PSMD13: variants seen among roughly 807,000 people sequenced by gnomAD.
The protein encoded by PSMD13 is proteasome 26S subunit, non-ATPase 13.
In PSMD13, 8 loss-of-function variants were observed where a neutral mutation model predicts 57.4. That is an observed-to-expected ratio of 0.14 (90% CI 0.08 to 0.25). The LOEUF is 0.25. PSMD13 is among the 10% of genes least tolerant of loss of function. PSMD13 has a pLI of 1.00. For synonymous variants in PSMD13, 193 were observed against 168.2 expected (o/e 1.15, Z -1.14); for missense variants, 400 against 461.5 (o/e 0.87, Z 1.22).
intron 2 of PSMD13, 106 bp downstream of exon 2, chr11:239,182 A>G: frequency 8.8e-7 from 1 of 1,133,402 alleles, no homozygotes; most frequent in Admixed American, 1.7e-5. Context: ...AATATTCAGC[A>G]GTCACTTTAC....
At chr11:239,397 A>G (rs74044926) in intron 2 of PSMD13, among the ~76,000 whole-genome samples, 43 of 152,342 alleles carry the variant, frequency 2.8e-4, no homozygotes, top group African/African-American at 1.0e-3. Flanking sequence ...ATCTTACAAC[A>G]TGCCTAAGTA....
intron 2 of PSMD13, 36 bp downstream of exon 2, chr11:239,112 A>C: frequency 6.5e-7 from 1 of 1,547,876 alleles, no homozygotes; most frequent in Non-Finnish European, 8.9e-7. Context: ...GATTATATGA[A>C]TGTGCTCAAG....
intron 2 of PSMD13, 54 bp downstream of exon 2, chr11:239,130 G>T (rs2133982420): frequency 6.9e-7 from 1 of 1,443,548 alleles, no homozygotes; most frequent in South Asian, 1.1e-5. Flanking sequence ...AAGGACTTTT[G>T]AAAATAAGAT....
chr11:239,308 A>G lies in PSMD13; in HGVS notation c.174+232A>G, dbSNP rs570827215. On this transcript the variant is annotated intron_variant, in intron 2 of 12. Transcript: ENST00000532097. ...CATAAGACTTTAAGTAACTTACCAT[A>G]GATCACTGCTGATAAGTGGCAGAAG... 3.3e-5 allele frequency among the ~76,000 whole-genome samples: 5 copies of G among 152,362 alleles called. 1 individual carries two copies. In the South Asian group the frequency reaches 1.0e-3, roughly 32 times the overall value.
intron 7 of PSMD13, chr11:248,537 G>C: frequency 1.9e-6 from 1 of 531,942 alleles, no homozygotes; most frequent in Non-Finnish European, 3.3e-6. Flanking sequence ...AATATGAATA[G>C]ATTCACATAT....
intron 2 of PSMD13, among the ~76,000 whole-genome samples, chr11:242,319 C>T (rs993338440): frequency 3.4e-5 from 5 of 149,246 alleles, no homozygotes; most frequent in African/African-American, 1.2e-4. Flanking sequence ...AATTTGAAAA[C>T]GGTGCATAAT....
chr11:242,845 G>C (rs1428945980), intron 2 of PSMD13, among the ~76,000 whole-genome samples: 1 of 151,668 alleles, frequency 6.6e-6, no homozygotes, highest in African/African-American at 2.4e-5. Context: ...GCCTAGGCTG[G>C]AATGCAATGG....
intron 2 of PSMD13, among the ~76,000 whole-genome samples, chr11:240,100 G>GTTTTTTTTTTTT (rs1564820130): frequency 1.8e-4 from 8 of 44,480 alleles, no homozygotes; most frequent in Non-Finnish European, 3.0e-4. Flanking sequence ...AATGAGACCT[G>GTTTTTTTTTTTT]CTTTTTTTTT....
At chr11:249,549 G>C (rs944692372) in intron 9 of PSMD13, among the ~76,000 whole-genome samples, 4 of 136,290 alleles carry the variant, frequency 2.9e-5, no homozygotes, top group Admixed American at 1.5e-4. Flanking sequence ...GTGCAGGGAG[G>C]GGGAGAGCGG....
At chr11:247,660 T>C (rs769448121) in intron 7 of PSMD13, 17 of 418,844 alleles carry the variant, frequency 4.1e-5, no homozygotes, top group South Asian at 3.5e-4. Flanking sequence ...GGTGAAACCC[T>C]GTCTCTACTA....
At chr11:242,711 C>T (rs1859542419) in intron 2 of PSMD13, among the ~76,000 whole-genome samples, 2 of 152,128 alleles carry the variant, frequency 1.3e-5, no homozygotes, top group African/African-American at 4.8e-5. Flanking sequence ...TTCTGTTTTC[C>T]TTTGATACAA....
chr11:252,625 T>C lies in PSMD13; in HGVS notation c.*25T>C. ...GGGCCCCCTGGTTCCCCGTCGTGTC[T>C]CCTTTGACTCACCTGAGAGAGGCGT... On this transcript the variant is annotated 3_prime_UTR_variant, in exon 13 of 13. Transcript: ENST00000532097. The surrounding 1 kb of genome is among the most constrained non-coding windows in gnomAD (Gnocchi z 4.1). 1 of 1,606,946 alleles carries C rather than the reference T, an allele frequency of 6.2e-7. No individual in the cohort carries two copies. Among genetic ancestry groups the C allele is most frequent in the Non-Finnish European group, 8.5e-7 (1 of 1,173,792 alleles).
At chr11:249,769 T>A (rs1320551102) in intron 9 of PSMD13, among the ~76,000 whole-genome samples, 1 of 152,168 alleles carries the variant, frequency 6.6e-6, no homozygotes, top group African/African-American at 2.4e-5. Context: ...TCTTTTTTAA[T>A]GAGATTATTA....
At position 251,305 on chromosome 11, in the gene PSMD13, TC is replaced by T; in HGVS notation, c.838-240del. ...GCAAATTGTGGCCTCAAGTACTTGTTCGGGGATTGAACAATGGCTACTGTCA... is the reference window on the plus strand; with the variant it reads ...GCAAATTGTGGCCTCAAGTACTTGTTGGGGATTGAACAATGGCTACTGTCA... On this transcript the variant is annotated intron_variant, in intron 10 of 12. Coordinates refer to ENST00000532097, the MANE Select transcript of PSMD13 (RefSeq NM_002817.4). This position sits in a 1 kb window ranked among gnomAD's most constrained non-coding sequence, Gnocchi z 4.6. 1 of 523,434 alleles carries T rather than the reference TC, an allele frequency of 1.9e-6. No homozygotes were observed. Among genetic ancestry groups the T allele is most frequent in the Admixed American group, 3.5e-5 (1 of 28,594 alleles). 32.4% of individuals were successfully genotyped at this position (523,434 alleles called of 1,614,324 possible). A position where few individuals can be genotyped will look rare whatever the true frequency, so the allele number is the denominator to read the frequency against.
intron 2 of PSMD13, among the ~76,000 whole-genome samples, chr11:239,366 G>T (rs1212142729): frequency 6.6e-6 from 1 of 152,024 alleles, no homozygotes; most frequent in Non-Finnish European, 1.5e-5. Flanking sequence ...GGCTTTTTTT[G>T]AAATTCTAGC....
intron 9 of PSMD13, among the ~76,000 whole-genome samples, chr11:250,103 G>A (rs950151154): frequency 1.3e-5 from 2 of 152,180 alleles, no homozygotes; most frequent in African/African-American, 4.8e-5. Flanking sequence ...GTCTGGAGGG[G>A]TAGTGAGCCC....
At chr11:242,978 T>C in intron 2 of PSMD13, 1 of 214,772 alleles carries the variant, frequency 4.7e-6, no homozygotes, top group South Asian at 7.1e-5. Flanking sequence ...GTATTTTTAG[T>C]AGAGACGGGG....
intron 2 of PSMD13, chr11:243,605 TC>T (rs1271122078): frequency 3.7e-5 from 14 of 381,946 alleles, no homozygotes; most frequent in Non-Finnish European, 6.6e-5. Context: ...AATAAACCTG[TC>T]CTGGTAGGCT....
intron 1 of PSMD13, among the ~76,000 whole-genome samples, chr11:237,771 TG>T (rs1431382081): frequency 6.6e-6 from 1 of 152,258 alleles, no homozygotes; most frequent in Non-Finnish European, 1.5e-5. Flanking sequence ...AGTTTAGGTT[TG>T]TTTAGAAACA....
Sources: allele counts gnomAD v4.1 joint callset (sites outside exome capture counted in the v4.1 genomes callset), GRCh38; gene constraint gnomAD v4.1.1; non-coding constraint Gnocchi (gnomAD v3.1); transcripts MANE v1.5; gene names NCBI Gene and HGNC (gene_info 2026-07-23, HGNC 2026-07-21).